NPSR1: variants seen among roughly 807,000 people sequenced by gnomAD.
NPSR1 encodes the protein neuropeptide S receptor 1.
In NPSR1, 48 loss-of-function variants were observed where a neutral mutation model predicts 46.9. The ratio of observed to expected loss-of-function variants is 1.02; its 90% CI spans 0.81 to 1.30. The LOEUF is 1.30. Among genes scored for constraint, NPSR1 ranks in the 50% most tolerant of loss-of-function variants. The pLI, the probability that NPSR1 is intolerant of heterozygous loss-of-function variation, is 0.00. For missense variants in NPSR1, 450 were observed against 449.5 expected (o/e 1.00, Z -0.01); for synonymous variants, 176 against 168.1 (o/e 1.05, Z -0.36).
intron 6 of NPSR1, among the ~76,000 whole-genome samples, chr7:34,837,404 A>G (rs902658916): frequency 2.4e-4 from 37 of 152,226 alleles, no homozygotes; most frequent in African/African-American, 8.2e-4. Flanking sequence ...ACACAGACAG[A>G]CAAGTCAGAG....
chr7:34,814,184 G>A (rs888608364), intron 4 of NPSR1, among the ~76,000 whole-genome samples: 1 of 152,224 alleles, frequency 6.6e-6, no homozygotes, highest in Non-Finnish European at 1.5e-5. Flanking sequence ...ACTGTACCTG[G>A]GACACTCCTG....
intron 2 of NPSR1, among the ~76,000 whole-genome samples, chr7:34,773,367 C>T (rs1786779474): frequency 6.6e-6 from 1 of 152,138 alleles, no homozygotes; most frequent in South Asian, 2.1e-4. Context: ...AAGAGCTATC[C>T]TACACCCCCT....
chr7:34,863,838 C>T (rs1376344213), intron 8 of NPSR1, among the ~76,000 whole-genome samples: 1 of 151,628 alleles, frequency 6.6e-6, no homozygotes, highest in Non-Finnish European at 1.5e-5. Flanking sequence ...GGATCTAGAA[C>T]CGGTAATACC....
intron 2 of NPSR1, among the ~76,000 whole-genome samples, chr7:34,746,006 G>C (rs1024519201): frequency 2.6e-5 from 4 of 152,148 alleles, no homozygotes; most frequent in African/African-American, 9.7e-5. Flanking sequence ...AATAGTTTTT[G>C]CCTAATGGAT....
At chr7:34,782,228 T>C (rs2128738746) in intron 3 of NPSR1, among the ~76,000 whole-genome samples, 1 of 152,106 alleles carries the variant, frequency 6.6e-6, no homozygotes, top group South Asian at 2.1e-4. Context: ...AGCCATAATC[T>C]CTCCATGTGA....
At chr7:34,714,492 A>G (rs1783463975) in intron 2 of NPSR1, among the ~76,000 whole-genome samples, 2 of 152,214 alleles carry the variant, frequency 1.3e-5, no homozygotes, top group Non-Finnish European at 2.9e-5. Flanking sequence ...GAATAAGTCA[A>G]TCCAATGGTG....
chr7:34,662,148 G>C (rs535014834), intron 1 of NPSR1, among the ~76,000 whole-genome samples: 1 of 152,276 alleles, frequency 6.6e-6, no homozygotes, highest in South Asian at 2.1e-4. Context: ...TCATAGGTGA[G>C]CACAGAAACA....
At chr7:34,820,758 T>A (rs1789515441) in intron 4 of NPSR1, among the ~76,000 whole-genome samples, 1 of 152,122 alleles carries the variant, frequency 6.6e-6, no homozygotes, top group South Asian at 2.1e-4. Flanking sequence ...CAGATTATAG[T>A]TAGATTTAAA....
intron 2 of NPSR1, among the ~76,000 whole-genome samples, chr7:34,718,218 C>T (rs968057898): frequency 4.6e-5 from 7 of 152,128 alleles, no homozygotes; most frequent in Admixed American, 1.3e-4. Context: ...AAATGTAATA[C>T]GTTATGCTAA....
intron 2 of NPSR1, among the ~76,000 whole-genome samples, chr7:34,731,968 G>T (rs1448483231): frequency 6.6e-6 from 1 of 151,198 alleles, no homozygotes; most frequent in Non-Finnish European, 1.5e-5. Context: ...ATCACCTAAG[G>T]TCAGGAGTTC....
chr7:34,683,619 G>A (rs1229926625), intron 1 of NPSR1, among the ~76,000 whole-genome samples: 3 of 152,090 alleles, frequency 2.0e-5, no homozygotes, highest in African/African-American at 7.2e-5. Context: ...CCAGGGTCTG[G>A]GAAGGTGCTG....
chr7:34,771,199 T>C (rs899630022), intron 2 of NPSR1, among the ~76,000 whole-genome samples: 7 of 152,060 alleles, frequency 4.6e-5, no homozygotes, highest in African/African-American at 7.2e-5. Context: ...CTTTGAGAGG[T>C]TGAAGTGAGT....
chr7:34,696,095 A>C (rs899975750), intron 2 of NPSR1, among the ~76,000 whole-genome samples: 3 of 151,806 alleles, frequency 2.0e-5, no homozygotes, highest in Non-Finnish European at 2.9e-5. Context: ...AAAAAAAAAA[A>C]AAACTGCGGT....
chr7:34,835,918 G>T (rs1790345403), intron 6 of NPSR1, among the ~76,000 whole-genome samples: 1 of 152,168 alleles, frequency 6.6e-6, no homozygotes, highest in South Asian at 2.1e-4. Flanking sequence ...CTGGAGTGGG[G>T]CATGGATTTT....
intron 1 of NPSR1, among the ~76,000 whole-genome samples, chr7:34,669,887 G>A (rs182665081): frequency 6.0e-4 from 91 of 152,268 alleles, no homozygotes; most frequent in African/African-American, 2.0e-3. Context: ...CGAGAGGATC[G>A]TGAAAAAACG....
intron 8 of NPSR1, among the ~76,000 whole-genome samples, chr7:34,868,516 A>G (rs761844250): frequency 1.2e-4 from 18 of 151,880 alleles, no homozygotes; most frequent in Admixed American, 2.0e-4. Context: ...AACATCTAGC[A>G]TGACCCTCAG....
chr7:34,743,628 C>T (rs1243611228), intron 2 of NPSR1, among the ~76,000 whole-genome samples: 4 of 152,008 alleles, frequency 2.6e-5, no homozygotes, highest in South Asian at 2.1e-4. Flanking sequence ...TTAGTACAGA[C>T]GGGGTTTAAC....
chr7:34,818,632 C>A (rs1013286724), intron 4 of NPSR1, among the ~76,000 whole-genome samples: 1 of 152,156 alleles, frequency 6.6e-6, no homozygotes, highest in African/African-American at 2.4e-5. Context: ...GCAAAAAGAA[C>A]AAAGCTGGAG....
At chr7:34,867,077 G>C (rs1791330551) in intron 8 of NPSR1, among the ~76,000 whole-genome samples, 1 of 151,608 alleles carries the variant, frequency 6.6e-6, no homozygotes, top group African/African-American at 2.4e-5. Flanking sequence ...AGGTGAAAGA[G>C]GCTCTGAGCA....
Sources: gnomAD v4.1 joint callset for allele counts (sites outside exome capture counted in the v4.1 genomes callset) on GRCh38, gnomAD v4.1.1 for gene constraint, MANE v1.5 for transcripts, NCBI Gene and HGNC (gene_info 2026-07-23, HGNC 2026-07-21) for gene names.